The following RTN1 variants were observed in gnomAD, a reference collection of about 807,000 sequenced individuals.
RTN1 encodes the protein reticulon 1.
In RTN1, 25 loss-of-function variants were observed where a neutral mutation model predicts 65.5. The ratio of observed to expected loss-of-function variants is 0.38; its 90% CI spans 0.28 to 0.53. RTN1 has a LOEUF of 0.53. RTN1 is among the 20% of genes least tolerant of loss of function. The probability of loss-of-function intolerance (pLI) is 0.79; values close to 1 mark genes in which losing one functional copy is unlikely to be tolerated. For synonymous variants in RTN1, 471 were observed against 447.6 expected (o/e 1.05, Z -0.66); for missense variants, 983 against 1,025.4 (o/e 0.96, Z 0.57).
At chr14:59,813,730 A>G (rs1278038495) in intron 1 of RTN1, among the ~76,000 whole-genome samples, 1 of 152,258 alleles carries the variant, frequency 6.6e-6, no homozygotes, top group Non-Finnish European at 1.5e-5. Flanking sequence ...ATTCTATATC[A>G]GTAATAAATA....
chr14:59,710,518 G>T (rs1305924971), intron 3 of RTN1, among the ~76,000 whole-genome samples: 1 of 152,214 alleles, frequency 6.6e-6, no homozygotes, highest in Non-Finnish European at 1.5e-5. Context: ...GCTAAATGTT[G>T]AGCATGGGGG....
chr14:59,749,598 T>G (rs1404213642), intron 1 of RTN1, among the ~76,000 whole-genome samples: 1 of 68,080 alleles, frequency 1.5e-5, no homozygotes, highest in Non-Finnish European at 2.2e-5. Context: ...TATATATATA[T>G]CTATCTATAT....
At chr14:59,629,016 A>C (rs1882474580) in intron 3 of RTN1, among the ~76,000 whole-genome samples, 1 of 152,244 alleles carries the variant, frequency 6.6e-6, no homozygotes, top group African/African-American at 2.4e-5. Context: ...ATATCAAATA[A>C]ACTGGATGGA....
In RTN1 at chr14:59,727,221, G is replaced by T; in HGVS notation, c.1463C>A (p.Pro488His). ...EESPKREQDSPPMKPSALDAI... is the reference protein window; with the variant it reads ...EESPKREQDSHPMKPSALDAI... ...ATCCAGGGCGCTGGGCTTCATCGGGGGTGAGTCCTGCTCCCGCTTGGGGCT... is the reference window on the plus strand; with the variant it reads ...ATCCAGGGCGCTGGGCTTCATCGGGTGTGAGTCCTGCTCCCGCTTGGGGCT... Residue 488 changes from proline (P) to histidine (H), a missense_variant, in exon 3 of 9, where the codon CCC (proline) becomes CAC (histidine). Physicochemically the swap from Pro to His is moderately conservative, Grantham distance 77. Around this residue, in one of 2 missense-constraint regions of RTN1, gnomAD observed 818 missense variants for 801.8 expected, o/e 1.02. Coordinates refer to ENST00000267484, the MANE Select transcript of RTN1 (RefSeq NM_021136.3). This position sits in a 1 kb window ranked among gnomAD's most constrained non-coding sequence, Gnocchi z 4.2. 2 of 1,566,818 alleles carry T rather than the reference G, an allele frequency of 1.3e-6. No homozygotes were observed. Among genetic ancestry groups the T allele is most frequent in the Non-Finnish European group, 1.7e-6 (2 of 1,156,538 alleles).
At chr14:59,658,519 C>T (rs1022229245) in intron 3 of RTN1, among the ~76,000 whole-genome samples, 1 of 152,164 alleles carries the variant, frequency 6.6e-6, no homozygotes, top group African/African-American at 2.4e-5. Context: ...CCCTCTGGGA[C>T]GAAGCTTCCA....
intron 3 of RTN1, among the ~76,000 whole-genome samples, chr14:59,714,400 C>T (rs556569477): frequency 1.9e-4 from 29 of 152,116 alleles, no homozygotes; most frequent in Non-Finnish European, 3.7e-4. Context: ...AGTGGCTTAA[C>T]ATGGAAGGAA....
intron 1 of RTN1, among the ~76,000 whole-genome samples, chr14:59,751,191 C>CTTTTTTTTTTTTTTTTTT (rs34021179): frequency 1.1e-5 from 1 of 90,796 alleles, no homozygotes; most frequent in Non-Finnish European, 2.0e-5. Context: ...CTCATTATAC[C>CTTTTTTTTTTTTTTTTTT]TTTTTTTTTT....
intron 1 of RTN1, among the ~76,000 whole-genome samples, chr14:59,787,685 C>T (rs1024373066): frequency 4.6e-5 from 7 of 152,042 alleles, no homozygotes; most frequent in African/African-American, 1.7e-4. Context: ...AATTACAATG[C>T]TGGGAGGTGG....
At chr14:59,842,068 G>A (rs1046175251) in intron 1 of RTN1, among the ~76,000 whole-genome samples, 1 of 151,850 alleles carries the variant, frequency 6.6e-6, no homozygotes, top group Non-Finnish European at 1.5e-5. Context: ...GGAGGTTGCA[G>A]TGAGCCGAGA....
At chr14:59,835,203 A>T (rs1485632062) in intron 1 of RTN1, among the ~76,000 whole-genome samples, 1 of 152,162 alleles carries the variant, frequency 6.6e-6, no homozygotes, top group East Asian at 1.9e-4. Flanking sequence ...ACACAACAAC[A>T]TGAATGAATT....
chr14:59,624,538 T>A (rs998815666), intron 3 of RTN1, among the ~76,000 whole-genome samples: 17 of 151,902 alleles, frequency 1.1e-4, no homozygotes, highest in Non-Finnish European at 2.4e-4. Context: ...CTCAGCTCAC[T>A]GCAACCTCTG....
At chr14:59,778,628 A>T (rs996740148) in intron 1 of RTN1, among the ~76,000 whole-genome samples, 5 of 152,214 alleles carry the variant, frequency 3.3e-5, no homozygotes, top group Non-Finnish European at 1.5e-5. Context: ...GTCAAGTAAA[A>T]TATTACACAA....
rs936994300 is a variant in RTN1 at position 59,596,691 on chromosome 14, C to T, written c.*54G>A. On this transcript the variant is annotated 3_prime_UTR_variant, in exon 9 of 9. Transcript: ENST00000267484. Reference sequence around the variant, plus strand: ...TTTGCAGTAATGAGTAAGAAGAGAGCTGTTACCACTCCAGACATTCCTGTT... The same window carrying T: ...TTTGCAGTAATGAGTAAGAAGAGAGTTGTTACCACTCCAGACATTCCTGTT... 3 of 1,286,572 alleles carry T rather than the reference C, an allele frequency of 2.3e-6. No homozygotes were observed. The highest frequency in any genetic ancestry group is 3.4e-5 in the Admixed American group (2 of 59,488). The allele number at this position is 1,286,572 out of a possible 1,614,324, so 79.7% of individuals were successfully genotyped here. A position where few individuals can be genotyped will look rare whatever the true frequency, so the allele number is the denominator to read the frequency against.
At chr14:59,802,409 T>C (rs1886563510) in intron 1 of RTN1, among the ~76,000 whole-genome samples, 1 of 152,042 alleles carries the variant, frequency 6.6e-6, no homozygotes, top group Admixed American at 6.5e-5. Flanking sequence ...TATGACTTTC[T>C]TTGTATCATT....
At position 59,829,654 on chromosome 14, in the gene RTN1, G is replaced by C. The variant is rs1429484334; in HGVS notation, c.241+40736C>G. 6.6e-6 allele frequency among the ~76,000 whole-genome samples: 1 copy of C among 152,204 alleles called. No homozygotes were observed. Among genetic ancestry groups the C allele is most frequent in the Non-Finnish European group, 1.5e-5 (1 of 68,020 alleles). On this transcript the variant is annotated intron_variant, in intron 1 of 8. Transcript: ENST00000267484. The surrounding 1 kb of genome is among the most constrained non-coding windows in gnomAD (Gnocchi z 4.3). ...TCATGCTCCCTGTCCAGGCAGGTTG[G>C]CTTGGGGACTCTGCTCTCCACAGTC...
chr14:59,838,047 C>T (rs1343496770), intron 1 of RTN1, among the ~76,000 whole-genome samples: 1 of 152,126 alleles, frequency 6.6e-6, no homozygotes, highest in African/African-American at 2.4e-5. Flanking sequence ...TCCCATCACT[C>T]AGGTAGTGAG....
intron 1 of RTN1, among the ~76,000 whole-genome samples, chr14:59,778,295 T>C (rs7140886): frequency 0.46 from 69,979 of 152,082 alleles, 18,006 homozygotes; most frequent in African/African-American, 0.7. Flanking sequence ...GCAGGGACCA[T>C]GTATGCTTTT....
chr14:59,664,966 G>A (rs1224766725), intron 3 of RTN1, among the ~76,000 whole-genome samples: 2 of 152,174 alleles, frequency 1.3e-5, no homozygotes, highest in South Asian at 2.1e-4. Context: ...CAATGAATGA[G>A]TGATCCAGTA....
At chr14:59,787,976 C>T (rs1013529724) in intron 1 of RTN1, among the ~76,000 whole-genome samples, 5 of 152,100 alleles carry the variant, frequency 3.3e-5, no homozygotes, top group Admixed American at 2.0e-4. Context: ...TAAGGGATTG[C>T]ACTAGATGGG....
Sources: gnomAD v4.1 joint callset for allele counts (sites outside exome capture counted in the v4.1 genomes callset) on GRCh38, gnomAD v4.1.1 for gene constraint, gnomAD v4.1.1 regional missense constraint, Gnocchi (gnomAD v3.1) non-coding constraint, MANE v1.5 for transcripts, NCBI Gene and HGNC (gene_info 2026-07-23, HGNC 2026-07-21) for gene names.